Variants in PLPPR1 observed in about 807,000 individuals in gnomAD.
The protein encoded by PLPPR1 is phospholipid phosphatase related 1.
Under a neutral mutation model 33.1 loss-of-function variants are expected in PLPPR1, and 10 were observed. The ratio of observed to expected loss-of-function variants is 0.30; its 90% CI spans 0.19 to 0.51. The LOEUF (loss-of-function observed/expected upper bound fraction) is 0.51, where lower values mean the gene tolerates loss of function less well. PLPPR1 is among the 20% of genes least tolerant of loss of function. The pLI is 0.97. For synonymous variants in PLPPR1, 151 were observed against 151.0 expected (o/e 1.00, Z 0.00); for missense variants, 304 against 408.1 (o/e 0.74, Z 2.20).
intron 1 of PLPPR1, among the ~76,000 whole-genome samples, chr9:101,129,658 C>T (rs1394914477): frequency 2.0e-5 from 3 of 152,196 alleles, no homozygotes; most frequent in South Asian, 4.1e-4. Flanking sequence ...GGTGAAACCC[C>T]GTCTCTACTA....
At chr9:101,171,437 C>G (rs1238775027) in intron 1 of PLPPR1, among the ~76,000 whole-genome samples, 1 of 152,092 alleles carries the variant, frequency 6.6e-6, no homozygotes, top group South Asian at 2.1e-4. Flanking sequence ...GATTGTAGGT[C>G]TTCCATTCTT....
chr9:101,313,139 A>G (rs1828989702), intron 6 of PLPPR1, among the ~76,000 whole-genome samples, 165 bp downstream of exon 6: 1 of 152,074 alleles, frequency 6.6e-6, no homozygotes, highest in Non-Finnish European at 1.5e-5. Context: ...AATGATTTCA[A>G]AACACTCTTT....
intron 2 of PLPPR1, among the ~76,000 whole-genome samples, chr9:101,235,339 T>A (rs946231683): frequency 1.3e-5 from 2 of 151,896 alleles, no homozygotes; most frequent in Admixed American, 6.6e-5. Flanking sequence ...TTCACTCTCA[T>A]GACGGTTAGA....
intron 3 of PLPPR1, among the ~76,000 whole-genome samples, chr9:101,275,693 C>T (rs1012358781): frequency 1.3e-5 from 2 of 152,100 alleles, no homozygotes; most frequent in Non-Finnish European, 2.9e-5. Flanking sequence ...TCTGATTTAC[C>T]CTCATTTTAT....
intron 1 of PLPPR1, among the ~76,000 whole-genome samples, chr9:101,062,318 A>AT (rs1446312954): frequency 6.6e-6 from 1 of 152,054 alleles, no homozygotes; most frequent in African/African-American, 2.4e-5. Context: ...AAAGAAGGTA[A>AT]TTTTTAAAAA....
chr9:101,278,895 C>A (rs1045498076), intron 3 of PLPPR1, among the ~76,000 whole-genome samples: 4 of 152,212 alleles, frequency 2.6e-5, no homozygotes, highest in African/African-American at 9.7e-5. Flanking sequence ...CCCTGCGATT[C>A]AGAACCAAGC....
chr9:101,140,031 G>A (rs543234835), intron 1 of PLPPR1, among the ~76,000 whole-genome samples: 4 of 152,254 alleles, frequency 2.6e-5, no homozygotes, highest in East Asian at 1.9e-4. Flanking sequence ...ATTGCCATTC[G>A]ATGGAGTTAA....
At position 101,213,064 on chromosome 9, in the gene PLPPR1, C is replaced by G. The variant is rs571742181; in HGVS notation, c.63+27507C>G. Among the ~76,000 whole-genome samples the G allele has an allele frequency of 5.6e-4, 85 of 152,258 alleles. 1 individual carries two copies. The highest frequency in any genetic ancestry group is 1.9e-3 in the African/African-American group (80 of 41,548). ...TGCCTTCACTTTACAGATGAGGACA[C>G]TGCAATATAGAGAGGTGAATTAAAT... is the stretch of plus-strand genomic sequence containing the variant. On this transcript the variant is annotated intron_variant, in intron 2 of 7. Transcript: ENST00000374874.
chr9:101,204,109 G>C (rs576843095), intron 2 of PLPPR1, among the ~76,000 whole-genome samples: 2 of 152,108 alleles, frequency 1.3e-5, no homozygotes, highest in Non-Finnish European at 2.9e-5. Context: ...CTATCTTTTA[G>C]TGTTGCAGTT....
rs887881454 is a variant in PLPPR1, at chr9:101,233,738, A to C, written c.64-36142A>C. 2.0e-5 allele frequency among the ~76,000 whole-genome samples: 3 copies of C among 151,938 alleles called. 1 individual carries two copies. Among genetic ancestry groups the C allele is most frequent in the Non-Finnish European group, 4.4e-5 (3 of 67,914 alleles). ...GACTTCTCACCCTCCAGGACTGTCC[A>C]TTATAAGTCTCAGGTATTGTGATAC... is the stretch of plus-strand genomic sequence containing the variant. On this transcript the variant is annotated intron_variant, in intron 2 of 7. Transcript: ENST00000374874.
intron 1 of PLPPR1, among the ~76,000 whole-genome samples, chr9:101,111,232 A>C (rs985801183): frequency 7.2e-5 from 11 of 152,156 alleles, no homozygotes; most frequent in Admixed American, 2.6e-4. Context: ...ATTGCTATTA[A>C]AAAGAAAATA....
intron 4 of PLPPR1, among the ~76,000 whole-genome samples, chr9:101,302,041 T>G (rs954477370): frequency 6.6e-6 from 1 of 152,218 alleles, no homozygotes; most frequent in Non-Finnish European, 1.5e-5. Flanking sequence ...TGATTAAGAA[T>G]ATAGCCTCTG....
At chr9:101,255,953 T>A (rs1360898785) in intron 2 of PLPPR1, among the ~76,000 whole-genome samples, 3 of 152,186 alleles carry the variant, frequency 2.0e-5, no homozygotes, top group Non-Finnish European at 4.4e-5. Flanking sequence ...CTTGGGAATT[T>A]CATCTTGTCT....
chr9:101,134,787 G>C (rs1390612477), intron 1 of PLPPR1, among the ~76,000 whole-genome samples: 1 of 152,182 alleles, frequency 6.6e-6, no homozygotes, highest in Non-Finnish European at 1.5e-5. Flanking sequence ...TAGTCCAACA[G>C]AACAGCAAGA....
At chr9:101,200,444 C>T (rs1826472068) in intron 2 of PLPPR1, among the ~76,000 whole-genome samples, 1 of 151,036 alleles carries the variant, frequency 6.6e-6, no homozygotes, top group African/African-American at 2.4e-5. Context: ...TATGGGAAAC[C>T]CAGTAAGGCA....
chr9:101,033,813 T>C (rs1024614709), intron 1 of PLPPR1, among the ~76,000 whole-genome samples: 2 of 152,172 alleles, frequency 1.3e-5, no homozygotes, highest in Non-Finnish European at 2.9e-5. Flanking sequence ...AGCTACCAAG[T>C]TACAAAGTAT....
intron 1 of PLPPR1, among the ~76,000 whole-genome samples, chr9:101,148,844 T>G (rs2118645954): frequency 6.6e-6 from 1 of 152,226 alleles, no homozygotes; most frequent in African/African-American, 2.4e-5. Flanking sequence ...TTCCCATTTC[T>G]TTGCCTTTAT....
chr9:101,286,372 C>A, intron 4 of PLPPR1, 136 bp downstream of exon 4: 2 of 738,456 alleles, frequency 2.7e-6, no homozygotes, highest in Admixed American at 2.9e-5. Context: ...GATCCTACTG[C>A]CACATCAAAT....
intron 1 of PLPPR1, among the ~76,000 whole-genome samples, chr9:101,164,013 G>T (rs567367693): frequency 1.3e-5 from 2 of 152,288 alleles, no homozygotes; most frequent in South Asian, 4.1e-4. Flanking sequence ...CACCATCCCT[G>T]CATGCTTATT....
Sources: allele counts gnomAD v4.1 joint callset (sites outside exome capture counted in the v4.1 genomes callset), GRCh38; gene constraint gnomAD v4.1.1; transcripts MANE v1.5; gene names NCBI Gene and HGNC (gene_info 2026-07-23, HGNC 2026-07-21).